KIFAP3: variants seen among roughly 807,000 people sequenced by gnomAD.
KIFAP3 encodes the protein kinesin associated protein 3.
KIFAP3 carries 68 observed loss-of-function variants against 106.5 expected under a neutral mutation model. The ratio of observed to expected loss-of-function variants is 0.64; its 90% CI spans 0.53 to 0.78. KIFAP3 has a LOEUF of 0.78. Among genes scored for constraint, KIFAP3 ranks in the 30% least tolerant of loss-of-function variants. The pLI is 0.00. For synonymous variants in KIFAP3, 320 were observed against 311.5 expected (o/e 1.03, Z -0.29); for missense variants, 780 against 941.8 (o/e 0.83, Z 2.25).
intron 1 of KIFAP3, among the ~76,000 whole-genome samples, chr1:170,060,722 A>C (rs967877207): frequency 6.6e-6 from 1 of 152,194 alleles, no homozygotes; most frequent in Non-Finnish European, 1.5e-5. Flanking sequence ...AAGCCAAAAG[A>C]ACAAAGCTGG....
chr1:169,961,065 A>C lies in KIFAP3; in HGVS notation c.2154T>G (p.Pro718=), dbSNP rs1431619583. The part of the protein sequence containing the change: ...YIHEGDILER[P]DLFYNSDGLI... ...TATCACCTGAGTTGTAGAAAAGGTC[A>C]GGTCTTTCGAGAATATCTCCTTCAT... Residue 718 remains proline, a synonymous_variant, in exon 18 of 20, where the codon CCT becomes CCG. Coordinates refer to ENST00000361580, the MANE Select transcript of KIFAP3 (RefSeq NM_014970.4). The C allele has an allele frequency of 6.2e-7, 1 of 1,612,158 alleles. No homozygotes were observed. The highest frequency in any genetic ancestry group is 1.1e-5 in the South Asian group (1 of 90,764).
chr1:170,031,849 T>C (rs1267740075), intron 8 of KIFAP3, 37 bp downstream of exon 8: 2 of 1,263,600 alleles, frequency 1.6e-6, no homozygotes, highest in East Asian at 4.6e-5. Context: ...TTGGAGTAAG[T>C]ACTTTGTTGC....
At position 170,065,924 on chromosome 1, in the gene KIFAP3, T is replaced by C. The variant is rs190971600; in HGVS notation, c.32+8512A>G. Among the ~76,000 whole-genome samples, 289 of 152,316 alleles carry C rather than the reference T, an allele frequency of 1.9e-3. 1 individual carries two copies. Among genetic ancestry groups the C allele is most frequent in the South Asian group, 1.4e-3 (7 of 4,830 alleles). ...GGATCATTTAATGCAATGACTGACA[T>C]ACTTAGATTCAGATCTATCACTTCA... is the stretch of plus-strand genomic sequence containing the variant. On this transcript the variant is annotated intron_variant, in intron 1 of 19. Transcript: ENST00000361580.
intron 3 of KIFAP3, among the ~76,000 whole-genome samples, chr1:170,040,323 G>T (rs184559450): frequency 9.2e-5 from 14 of 152,214 alleles, no homozygotes. Flanking sequence ...TCTAAAAAGT[G>T]TATATTTAAT....
At chr1:170,061,970 A>G (rs1671181607) in intron 1 of KIFAP3, among the ~76,000 whole-genome samples, 1 of 152,136 alleles carries the variant, frequency 6.6e-6, no homozygotes, top group East Asian at 1.9e-4. Flanking sequence ...CAATGAGAAC[A>G]CTTGGACACA....
At chr1:169,934,615 T>C (rs528365276) in intron 19 of KIFAP3, among the ~76,000 whole-genome samples, 68 of 152,150 alleles carry the variant, frequency 4.5e-4, no homozygotes, top group Non-Finnish European at 7.9e-4. Context: ...AGTATTTTCA[T>C]TCTGCGATGT....
Position 170,024,409 on chromosome 1 carries a change from G to A in KIFAP3, c.1020+9C>T. The A allele has an allele frequency of 6.6e-7, 1 of 1,519,144 alleles. No individual in the cohort carries two copies. Among genetic ancestry groups the A allele is most frequent in the Non-Finnish European group, 8.9e-7 (1 of 1,126,492 alleles). The allele number at this position is 1,519,144 out of a possible 1,614,324, so 94.1% of individuals were successfully genotyped here. On this transcript the variant is annotated intron_variant, in intron 9 of 19. Coordinates refer to ENST00000361580, the MANE Select transcript of KIFAP3 (RefSeq NM_014970.4). The stretch of plus-strand genomic sequence containing the variant: ...ATGAACTATTTCAAGAAAAAGCTTT[G>A]TAAGTTACCATATCATTTTTATTCT...
chr1:169,971,106 A>G (rs116221930), intron 17 of KIFAP3, among the ~76,000 whole-genome samples: 2,788 of 152,160 alleles, frequency 0.018, 73 homozygotes, highest in African/African-American at 0.063. Flanking sequence ...AGAACTATCA[A>G]CTTACATTCT....
intron 19 of KIFAP3, among the ~76,000 whole-genome samples, chr1:169,946,884 A>G (rs1289340868): frequency 6.6e-6 from 1 of 151,938 alleles, no homozygotes; most frequent in Non-Finnish European, 1.5e-5. Flanking sequence ...ATTTCATGTA[A>G]AGATTATGTA....
intron 15 of KIFAP3, among the ~76,000 whole-genome samples, chr1:169,979,330 A>T (rs1398273089): frequency 1.3e-5 from 2 of 152,142 alleles, no homozygotes; most frequent in Non-Finnish European, 2.9e-5. Context: ...CTGTGAGAAG[A>T]GTGTACCAAA....
intron 19 of KIFAP3, among the ~76,000 whole-genome samples, chr1:169,936,036 C>T (rs1210777121): frequency 6.6e-6 from 1 of 151,910 alleles, no homozygotes; most frequent in Non-Finnish European, 1.5e-5. Flanking sequence ...TAACTCCAGA[C>T]ATCGCCTCCA....
At chr1:170,000,252 T>C (rs1424576882) in intron 10 of KIFAP3, among the ~76,000 whole-genome samples, 2 of 152,144 alleles carry the variant, frequency 1.3e-5, no homozygotes, top group African/African-American at 2.4e-5. Context: ...GGCCACATTA[T>C]TAGCCAGATT....
At chr1:169,996,034 T>C (rs1360901649) in intron 10 of KIFAP3, among the ~76,000 whole-genome samples, 2 of 151,988 alleles carry the variant, frequency 1.3e-5, no homozygotes, top group Non-Finnish European at 1.5e-5. Flanking sequence ...ATGAATAATA[T>C]AGATAAGAAG....
intron 2 of KIFAP3, 53 bp downstream of exon 2, chr1:170,055,251 TA>T: frequency 6.8e-7 from 1 of 1,479,554 alleles, no homozygotes. Flanking sequence ...CAGATTTGTA[TA>T]AAGTTTATAT....
rs891021146 is a variant in KIFAP3 at position 169,921,344 on chromosome 1, C to T, written c.*332G>A. On this transcript the variant is annotated 3_prime_UTR_variant, in exon 20 of 20. Coordinates refer to ENST00000361580, the MANE Select transcript of KIFAP3 (RefSeq NM_014970.4). ...CTTTCACTTATTCATTTTCACTTTA[C>T]GCTTTTTAATTGAAATTAAATTAGT... 11 of 164,966 alleles carry T rather than the reference C, an allele frequency of 6.7e-5. No homozygotes were observed. The highest frequency in any genetic ancestry group is 1.9e-4 in the South Asian group (1 of 5,356). The allele number at this position is 164,966 out of a possible 1,614,324, so 10.2% of individuals were successfully genotyped here. A position where few individuals can be genotyped will look rare whatever the true frequency, so the allele number is the denominator to read the frequency against.
intron 16 of KIFAP3, among the ~76,000 whole-genome samples, chr1:169,976,004 GTT>G (rs1666205206): frequency 6.6e-6 from 1 of 152,118 alleles, no homozygotes. Context: ...TGCAAAGAAA[GTT>G]ACACTGAAAA....
intron 19 of KIFAP3, among the ~76,000 whole-genome samples, chr1:169,950,312 T>A (rs1486626986): frequency 2.0e-5 from 3 of 152,178 alleles, no homozygotes; most frequent in Non-Finnish European, 4.4e-5. Flanking sequence ...TATTGTTTCG[T>A]GTTTTATCCC....
intron 19 of KIFAP3, among the ~76,000 whole-genome samples, chr1:169,936,068 A>G (rs1245446735): frequency 1.3e-5 from 2 of 151,966 alleles, no homozygotes; most frequent in East Asian, 3.9e-4. Flanking sequence ...CCACTTTTTA[A>G]AAATTAGAAA....
intron 2 of KIFAP3, among the ~76,000 whole-genome samples, chr1:170,050,684 A>C (rs1670530834): frequency 1.3e-5 from 2 of 152,222 alleles, no homozygotes; most frequent in Non-Finnish European, 2.9e-5. Context: ...GTGGGGACCA[A>C]TATTCAACAA....
Sources: allele counts gnomAD v4.1 joint callset (sites outside exome capture counted in the v4.1 genomes callset), GRCh38; gene constraint gnomAD v4.1.1; transcripts MANE v1.5; gene names NCBI Gene and HGNC (gene_info 2026-07-23, HGNC 2026-07-21).